Variants in HNRNPK observed in about 807,000 individuals in gnomAD.
HNRNPK encodes the protein dC-stretch binding protein.
HNRNPK carries 7 observed loss-of-function variants against 67.0 expected under a neutral mutation model. The ratio of observed to expected loss-of-function variants is 0.10; its 90% CI spans 0.06 to 0.20. The LOEUF (loss-of-function observed/expected upper bound fraction) is 0.20, where lower values mean the gene tolerates loss of function less well. Among genes scored for constraint, HNRNPK ranks in the 10% least tolerant of loss-of-function variants. HNRNPK has a pLI of 1.00. For synonymous variants in HNRNPK, 213 were observed against 193.7 expected, an observed-to-expected ratio of 1.10 and a Z score of -0.83; for missense variants, 264 against 606.5, an observed-to-expected ratio of 0.44 and a Z score of 5.93.
In HNRNPK at chr9:83,972,986, A is replaced by G. The variant is rs993126825; in HGVS notation, c.517-14T>C. 3 of 1,543,664 alleles carry G rather than the reference A, an allele frequency of 1.9e-6. No individual in the cohort carries two copies. Among genetic ancestry groups the G allele is most frequent in the Non-Finnish European group, 2.6e-6 (3 of 1,140,484 alleles). On this transcript the variant is annotated splice_polypyrimidine_tract_variant and intron_variant, in intron 9 of 16. Transcript: ENST00000376263. ...GGTTTGAGTGTTCTGTAGTAAGATC[A>G]TAAAAAAAAATAATAATAATTAGAA...
rs767906984 is a variant in HNRNPK, at chr9:83,976,971, GTAGTT to G, written c.213+19_213+23del. ...CATATAAACTGAAGCTGCTCGTGTA[GTAGTT>G]TAAACTCTTAATACTTACGTCTGTA... On this transcript the variant is annotated intron_variant, in intron 5 of 16. Coordinates refer to ENST00000376263, the MANE Select transcript of HNRNPK (RefSeq NM_031263.4). 3 of 1,438,860 alleles carry G rather than the reference GTAGTT, an allele frequency of 2.1e-6. No individual in the cohort carries two copies. Among genetic ancestry groups the G allele is most frequent in the East Asian group, 2.3e-5 (1 of 44,028 alleles). The allele number at this position is 1,438,860 out of a possible 1,614,324, so 89.1% of individuals were successfully genotyped here. A position where few individuals can be genotyped will look rare whatever the true frequency, so the allele number is the denominator to read the frequency against.
chr9:83,974,041 G>A, intron 7 of HNRNPK, 68 bp from the exon 8 acceptor site: 2 of 983,678 alleles, frequency 2.0e-6, no homozygotes, highest in East Asian at 2.5e-5. Context: ...CGCATATATT[G>A]GTAAAGCTAC....
rs1231720996 is a variant in HNRNPK at position 83,971,374 on chromosome 9, A to G, written c.1009-18T>C. On this transcript the variant is annotated intron_variant, in intron 12 of 16. Transcript: ENST00000376263. The stretch of plus-strand genomic sequence containing the variant: ...AAACCAACCTGTTAGAGATAAAAAC[A>G]TTAACATGAACCCGCATTGTATTTT... 2 of 1,514,256 alleles carry G rather than the reference A, an allele frequency of 1.3e-6. No homozygotes were observed. Among genetic ancestry groups the G allele is most frequent in the Non-Finnish European group, 1.8e-6 (2 of 1,089,386 alleles). The allele number at this position is 1,514,256 out of a possible 1,614,324, so 93.8% of individuals were successfully genotyped here.
chr9:83,977,167 C>A, intron 4 of HNRNPK, 116 bp from the exon 5 acceptor site: 6 of 722,960 alleles, frequency 8.3e-6, no homozygotes, highest in South Asian at 1.7e-5. Context: ...GAATAAAAAT[C>A]TATTTGGGGT....
intron 5 of HNRNPK, 171 bp from the exon 6 acceptor site, chr9:83,975,676 G>A (rs1957036920): frequency 1.4e-6 from 1 of 690,162 alleles, no homozygotes; most frequent in Non-Finnish European, 2.7e-6. Flanking sequence ...GGGCAACGCA[G>A]GGGTAAGTCG....
intron 13 of HNRNPK, 74 bp downstream of exon 13, chr9:83,971,198 TA>T: frequency 2.9e-6 from 3 of 1,043,436 alleles, no homozygotes; most frequent in East Asian, 2.4e-5. Context: ...CTCAGGGGAA[TA>T]AAAAACTTAC....
intron 2 of HNRNPK, 21 bp downstream of exon 2, chr9:83,978,349 AAAG>A: frequency 2.0e-6 from 3 of 1,518,740 alleles, no homozygotes; most frequent in Non-Finnish European, 2.6e-6. Context: ...AAAAAAAAAA[AAAG>A]ACATTGCTTC....
intron 5 of HNRNPK, 102 bp downstream of exon 5, chr9:83,976,893 G>T: frequency 1.4e-5 from 9 of 646,746 alleles, no homozygotes; most frequent in East Asian, 2.7e-5. Context: ...AAATGTCTTT[G>T]TAGCTAAACT....
intron 6 of HNRNPK, 50 bp downstream of exon 6, chr9:83,975,412 C>T: frequency 6.5e-7 from 1 of 1,542,158 alleles, no homozygotes; most frequent in South Asian, 1.1e-5. Flanking sequence ...TAATAAAATA[C>T]ATTTCTCTCT....
chr9:83,969,476 T>A lies in HNRNPK; in HGVS notation c.1362-36A>T, dbSNP rs1302489120. 3 of 1,395,606 alleles carry A rather than the reference T, an allele frequency of 2.1e-6. No individual in the cohort carries two copies. In the South Asian group the frequency reaches 3.7e-5, roughly 17 times the overall value. 86.5% of individuals were successfully genotyped at this position (1,395,606 alleles called of 1,614,324 possible). A position where few individuals can be genotyped will look rare whatever the true frequency, so the allele number is the denominator to read the frequency against. ...AAAGAAAAAAAAGTGCGAATTAGAA[T>A]TTTTGCTCGTAACATCTTAATCAAC... is the stretch of plus-strand genomic sequence containing the variant. On this transcript the variant is annotated intron_variant, in intron 16 of 16. Transcript: ENST00000376263.
At chr9:83,970,998 A>T (rs533667672) in intron 13 of HNRNPK, 86 bp from the exon 14 acceptor site, 1 of 1,352,500 alleles carries the variant, frequency 7.4e-7, no homozygotes, top group South Asian at 1.2e-5. Context: ...AATAAAATGG[A>T]GTCTTGCTAT....
intron 16 of HNRNPK, 35 bp from the exon 17 acceptor site, chr9:83,969,475 A>T (rs1352112624): frequency 7.0e-7 from 1 of 1,424,416 alleles, no homozygotes; most frequent in Non-Finnish European, 9.8e-7. Flanking sequence ...GCGAATTAGA[A>T]TTTTTGCTCG....
chr9:83,973,263 C>A (rs371350500), intron 9 of HNRNPK, 23 bp downstream of exon 9: 246 of 1,292,506 alleles, frequency 1.9e-4, no homozygotes, highest in Non-Finnish European at 2.6e-4. Flanking sequence ...GCAAAGAATA[C>A]GGCAGAATTT....
At chr9:83,969,662 A>C in intron 16 of HNRNPK, 1 of 610,856 alleles carries the variant, frequency 1.6e-6, no homozygotes, top group Non-Finnish European at 3.0e-6. Flanking sequence ...AGAAAACGGA[A>C]TTGAAAGTTG....
chr9:83,971,216 G>A (rs1251318450), intron 13 of HNRNPK, 57 bp downstream of exon 13: 1 of 1,142,312 alleles, frequency 8.8e-7, no homozygotes, highest in South Asian at 1.2e-5. Flanking sequence ...TTACTGGAGA[G>A]CAGGTAAGCA....
chr9:83,970,069 C>A, intron 16 of HNRNPK, 93 bp downstream of exon 16: 2 of 1,042,564 alleles, frequency 1.9e-6, no homozygotes, highest in East Asian at 2.4e-5. Context: ...GTTGAGACAC[C>A]ATGGCTTCTA....
In HNRNPK at chr9:83,974,477, CCT is replaced by C. The variant is rs778929425; in HGVS notation, c.330+38_330+39del. 6.2e-6 allele frequency: 6 copies of C among 968,552 alleles called. No homozygotes were observed. The East Asian group carries it at 1.4e-4, about 23-fold the overall frequency. The allele number at this position is 968,552 out of a possible 1,614,324, so 60.0% of individuals were successfully genotyped here. A position where few individuals can be genotyped will look rare whatever the true frequency, so the allele number is the denominator to read the frequency against. On this transcript the variant is annotated intron_variant, in intron 7 of 16. Coordinates refer to ENST00000376263, the MANE Select transcript of HNRNPK (RefSeq NM_031263.4). ...ATACAACATACTTTAAACATTCCCC[CCT>C]CATATTGTCAAATACATTTAAAAAA...
At chr9:83,969,769 C>T in intron 16 of HNRNPK, 1 of 653,404 alleles carries the variant, frequency 1.5e-6, no homozygotes, top group Non-Finnish European at 3.0e-6. Flanking sequence ...TGGCCTGTGC[C>T]ATATGGCAGA....
rs559827898 is a variant in HNRNPK, at chr9:83,972,358, C to T, written c.646-169G>A. ...GCTAAAAGTAGCAAAGTAAAGATTC[C>T]AAAGAAATCCAATACTTTTGGCAAA... On this transcript the variant is annotated intron_variant, in intron 10 of 16. Coordinates refer to ENST00000376263, the MANE Select transcript of HNRNPK (RefSeq NM_031263.4). 7.9e-5 allele frequency: 46 copies of T among 581,088 alleles called. No homozygotes were observed. The African/African-American group carries it at 8.8e-4, about 11-fold the overall frequency. 36.0% of individuals were successfully genotyped at this position (581,088 alleles called of 1,614,324 possible).
Sources: gnomAD v4.1 joint callset for allele counts on GRCh38, gnomAD v4.1.1 for gene constraint, MANE v1.5 for transcripts, NCBI Gene and HGNC (gene_info 2026-07-23, HGNC 2026-07-21) for gene names.